The following MSRA variants were observed in gnomAD, a reference collection of about 807,000 sequenced individuals.
The protein encoded by MSRA is mitochondrial peptide methionine sulfoxide reductase.
Under a neutral mutation model 31.3 loss-of-function variants are expected in MSRA, and 54 were observed. The ratio of observed to expected loss-of-function variants is 1.73; its 90% CI spans 1.39 to 2.17. The LOEUF (loss-of-function observed/expected upper bound fraction) is 2.17, where lower values mean the gene tolerates loss of function less well. Among genes scored for constraint, MSRA ranks in the 30% most tolerant of loss-of-function variants. MSRA has a pLI of 0.00. For missense variants in MSRA, 507 were observed against 300.9 expected, an observed-to-expected ratio of 1.69 and a Z score of -5.07; for synonymous variants, 169 against 116.5, an observed-to-expected ratio of 1.45 and a Z score of -2.90.
intron 1 of MSRA, among the ~76,000 whole-genome samples, chr8:10,154,902 T>C (rs1043950555): frequency 6.6e-5 from 10 of 151,314 alleles, no homozygotes; most frequent in Admixed American, 1.3e-4. Context: ...TTCTTTAATA[T>C]TGATTTACAG....
intron 1 of MSRA, among the ~76,000 whole-genome samples, chr8:10,109,422 A>G (rs548437504): frequency 3.3e-5 from 5 of 151,280 alleles, no homozygotes; most frequent in Admixed American, 1.3e-4. Context: ...GCTCACTGCA[A>G]CCTCCATCTC....
intron 1 of MSRA, among the ~76,000 whole-genome samples, chr8:10,105,499 T>C (rs1357761564): frequency 1.3e-5 from 2 of 152,228 alleles, no homozygotes; most frequent in Admixed American, 1.3e-4. Flanking sequence ...TTAAAGAGTA[T>C]TGTGGAGTTT....
At chr8:10,259,669 A>G (rs1347345987) in intron 3 of MSRA, among the ~76,000 whole-genome samples, 1 of 152,186 alleles carries the variant, frequency 6.6e-6, no homozygotes, top group Non-Finnish European at 1.5e-5. Flanking sequence ...CCAGGAAGGT[A>G]GACCGTCCTG....
chr8:10,084,070 A>G (rs186778130), intron 1 of MSRA, among the ~76,000 whole-genome samples: 10 of 152,340 alleles, frequency 6.6e-5, no homozygotes, highest in Non-Finnish European at 1.5e-5. Context: ...ACATCTTAAG[A>G]GGCTGTTGGG....
At chr8:10,381,321 C>T (rs1277509111) in intron 5 of MSRA, among the ~76,000 whole-genome samples, 2 of 152,174 alleles carry the variant, frequency 1.3e-5, no homozygotes, top group Admixed American at 6.5e-5. Context: ...TAAACCAGTC[C>T]ATTCCGTACC....
At chr8:10,122,373 C>G (rs1247286338) in intron 1 of MSRA, among the ~76,000 whole-genome samples, 3 of 152,140 alleles carry the variant, frequency 2.0e-5, no homozygotes, top group Non-Finnish European at 4.4e-5. Flanking sequence ...AAGCTGTCCC[C>G]AAGTCATGGC....
chr8:10,179,829 T>C (rs1806380050), intron 1 of MSRA, among the ~76,000 whole-genome samples: 1 of 152,226 alleles, frequency 6.6e-6, no homozygotes, highest in Admixed American at 6.5e-5. Context: ...TACCTTCCGA[T>C]GCCTTCCTGG....
At chr8:10,406,359 G>A (rs1012731104) in intron 5 of MSRA, among the ~76,000 whole-genome samples, 2 of 152,210 alleles carry the variant, frequency 1.3e-5, no homozygotes, top group Admixed American at 6.5e-5. Flanking sequence ...TGACCTTTCA[G>A]CTACTTCTAC....
intron 1 of MSRA, among the ~76,000 whole-genome samples, chr8:10,191,716 G>C (rs1807525499): frequency 6.6e-6 from 1 of 151,790 alleles, no homozygotes; most frequent in Non-Finnish European, 1.5e-5. Flanking sequence ...AGTTAGACTG[G>C]AAATATATTG....
In MSRA at chr8:10,347,029, C is replaced by T. The variant is rs146788714; in HGVS notation, c.543+27040C>T. On this transcript the variant is annotated intron_variant, in intron 5 of 5. Coordinates refer to ENST00000317173, the MANE Select transcript of MSRA (RefSeq NM_012331.5). Reference sequence around the variant, plus strand: ...CCTCACAGACCCTCTTTCCACACCCCATCATTCTGGCTGAAGCCCCCTCCA... The same window carrying T: ...CCTCACAGACCCTCTTTCCACACCCTATCATTCTGGCTGAAGCCCCCTCCA... Among the ~76,000 whole-genome samples the T allele has an allele frequency of 3.7e-3, 571 of 152,270 alleles. 5 individuals carry two copies. Among genetic ancestry groups the T allele is most frequent in the African/African-American group, 0.013 (548 of 41,550 alleles).
intron 1 of MSRA, among the ~76,000 whole-genome samples, chr8:10,120,227 G>A (rs1330299570): frequency 6.6e-6 from 1 of 152,198 alleles, no homozygotes; most frequent in African/African-American, 2.4e-5. Flanking sequence ...GACTGATTAG[G>A]CACCGGCAAG....
intron 1 of MSRA, among the ~76,000 whole-genome samples, chr8:10,170,383 A>G (rs531118610): frequency 6.6e-6 from 1 of 152,224 alleles, no homozygotes; most frequent in South Asian, 2.1e-4. Flanking sequence ...GTGATGTGAG[A>G]ACACAGTGAG....
chr8:10,166,710 T>G (rs1485436287), intron 1 of MSRA, among the ~76,000 whole-genome samples: 2 of 152,212 alleles, frequency 1.3e-5, no homozygotes, highest in African/African-American at 4.8e-5. Context: ...TTGATCATAC[T>G]TTTACAACTC....
At chr8:10,342,906 C>G (rs1803521843) in intron 5 of MSRA, among the ~76,000 whole-genome samples, 1 of 152,158 alleles carries the variant, frequency 6.6e-6, no homozygotes, top group African/African-American at 2.4e-5. Context: ...ACTTCTCTGG[C>G]CTGAGCGTTC....
chr8:10,073,699 G>A (rs1415535089), intron 1 of MSRA, among the ~76,000 whole-genome samples: 1 of 152,044 alleles, frequency 6.6e-6, no homozygotes, highest in Non-Finnish European at 1.5e-5. Flanking sequence ...AAGCAGGGAG[G>A]ATGGATAGAT....
chr8:10,143,246 C>G (rs530211395), intron 1 of MSRA, among the ~76,000 whole-genome samples: 3 of 152,046 alleles, frequency 2.0e-5, no homozygotes, highest in Non-Finnish European at 2.9e-5. Flanking sequence ...TCACATCACC[C>G]GAGACCAAGT....
At chr8:10,404,017 A>G (rs935255421) in intron 5 of MSRA, among the ~76,000 whole-genome samples, 2 of 152,256 alleles carry the variant, frequency 1.3e-5, no homozygotes, top group Admixed American at 6.5e-5. Context: ...TGCTCACTGT[A>G]GGAAAGATTT....
intron 4 of MSRA, among the ~76,000 whole-genome samples, chr8:10,303,469 C>A (rs1306372974): frequency 2.0e-5 from 3 of 152,120 alleles, no homozygotes; most frequent in African/African-American, 7.2e-5. Context: ...ATGGTGGCAT[C>A]TCTGGGGTTA....
chr8:10,228,175 G>GC (rs1343382304), intron 2 of MSRA, among the ~76,000 whole-genome samples: 5 of 152,050 alleles, frequency 3.3e-5, no homozygotes, highest in African/African-American at 1.2e-4. Flanking sequence ...TCTGGTCTCT[G>GC]CCTATGTTCC....
Sources: allele counts gnomAD v4.1 joint callset (sites outside exome capture counted in the v4.1 genomes callset), GRCh38; gene constraint gnomAD v4.1.1; transcripts MANE v1.5; gene names NCBI Gene and HGNC (gene_info 2026-07-23, HGNC 2026-07-21).